Variants in CNTNAP4 observed in about 807,000 individuals in gnomAD.
The protein encoded by CNTNAP4 is contactin associated protein family member 4, also known as contactin-associated protein-like 4.
A neutral mutation model predicts 148.4 loss-of-function variants in CNTNAP4; 98 were observed. The observed-to-expected ratio is 0.66, with a 90% CI of 0.56 to 0.78. The LOEUF (loss-of-function observed/expected upper bound fraction) is 0.78, where lower values mean the gene tolerates loss of function less well. Ranked by LOEUF, CNTNAP4 falls within the 30% of genes least tolerant of loss-of-function variation. The pLI is 0.00. For missense variants in CNTNAP4, 1,935 were observed against 1,565.6 expected (o/e 1.24, Z -3.98); for synonymous variants, 730 against 565.1 (o/e 1.29, Z -4.14).
At chr16:76,431,536 G>A (rs1006701076) in intron 4 of CNTNAP4, among the ~76,000 whole-genome samples, 5 of 152,074 alleles carry the variant, frequency 3.3e-5, no homozygotes, top group African/African-American at 4.8e-5. Context: ...AAAATTAGCC[G>A]GGCGTGGCAG....
rs2144102511 is a variant in CNTNAP4 at position 76,521,312 on chromosome 16, T to C, written c.2536+2T>C. 1 of 1,595,566 alleles carries C rather than the reference T, an allele frequency of 6.3e-7. No individual in the cohort carries two copies. The highest frequency in any genetic ancestry group is 8.5e-7 in the Non-Finnish European group (1 of 1,173,654). On this transcript the variant is annotated splice_donor_variant, in intron 16 of 23. Coordinates refer to ENST00000611870, the MANE Select transcript of CNTNAP4 (RefSeq NM_033401.5). LOFTEE classifies it high-confidence loss of function. ...ATTTTATACGGATAGAGCTTCGCTGTAAGTCTCCTTTTCCAGAGAAGTGTA... is the reference window on the plus strand; with the variant it reads ...ATTTTATACGGATAGAGCTTCGCTGCAAGTCTCCTTTTCCAGAGAAGTGTA...
At position 76,326,787 on chromosome 16, in the gene CNTNAP4, C is replaced by T. The variant is rs370043952; in HGVS notation, c.196+10264C>T. ...ACACAGGAAGGGGAACATCACACAC[C>T]GGGGCCTGTTGTGGGGTGGGGGTGG... On this transcript the variant is annotated intron_variant, in intron 2 of 23. Transcript: ENST00000611870. 7.8e-3 allele frequency among the ~76,000 whole-genome samples: 794 copies of T among 102,254 alleles called. 4 individuals carry two copies. Among genetic ancestry groups the T allele is most frequent in the African/African-American group, 0.021 (542 of 26,280 alleles). 67.1% of individuals were successfully genotyped at this position (102,254 alleles called of 152,430 possible).
chr16:76,420,269 T>TA lies in CNTNAP4; in HGVS notation c.391-7182dup, dbSNP rs528985799. ...ATATATATTAGAATAATGTATATTC[T>TA]ATAGGAGATAAATATTAATTTCCCT... is the stretch of plus-strand genomic sequence containing the variant. On this transcript the variant is annotated intron_variant, in intron 3 of 23. Transcript: ENST00000611870. Among the ~76,000 whole-genome samples, 16 of 152,026 alleles carry TA rather than the reference T, an allele frequency of 1.1e-4. 1 individual carries two copies. In the South Asian group the frequency reaches 3.3e-3, roughly 32 times the overall value.
At chr16:76,534,968 C>G (rs957228826) in intron 17 of CNTNAP4, among the ~76,000 whole-genome samples, 3 of 152,168 alleles carry the variant, frequency 2.0e-5, no homozygotes, top group African/African-American at 4.8e-5. Flanking sequence ...GCATAAAACA[C>G]TGAACACTAG....
intron 13 of CNTNAP4, among the ~76,000 whole-genome samples, chr16:76,491,385 G>C (rs566318647): frequency 1.3e-5 from 2 of 152,194 alleles, no homozygotes; most frequent in Admixed American, 6.5e-5. Flanking sequence ...TGAAATGGAC[G>C]AATGGTTAAT....
chr16:76,393,362 T>G (rs376729678), intron 3 of CNTNAP4, among the ~76,000 whole-genome samples: 1 of 152,222 alleles, frequency 6.6e-6, no homozygotes, highest in East Asian at 1.9e-4. Flanking sequence ...TGCTGTCATT[T>G]ACTTTACACT....
intron 9 of CNTNAP4, 140 bp from the exon 10 acceptor site, chr16:76,467,212 T>C (rs2081203504): frequency 1.4e-6 from 1 of 692,210 alleles, no homozygotes; most frequent in South Asian, 2.0e-5. Context: ...ATCAAACTAA[T>C]AATGACTGCA....
chr16:76,484,832 G>T (rs939188745), intron 12 of CNTNAP4, among the ~76,000 whole-genome samples: 1 of 152,160 alleles, frequency 6.6e-6, no homozygotes, highest in Non-Finnish European at 1.5e-5. Flanking sequence ...AATGACTGCT[G>T]AAAATAAGAC....
At chr16:76,354,610 A>G (rs2012327576) in intron 2 of CNTNAP4, among the ~76,000 whole-genome samples, 1 of 152,160 alleles carries the variant, frequency 6.6e-6, no homozygotes, top group Admixed American at 6.5e-5. Context: ...ATCATGGCCA[A>G]TTGCAAAGAT....
intron 19 of CNTNAP4, among the ~76,000 whole-genome samples, chr16:76,538,569 A>AATGT (rs1437187189): frequency 6.6e-6 from 1 of 152,020 alleles, no homozygotes; most frequent in African/African-American, 2.4e-5. Context: ...TTACATATTC[A>AATGT]ATGTATAATT....
intron 1 of CNTNAP4, among the ~76,000 whole-genome samples, chr16:76,306,895 A>G (rs1489556414): frequency 6.6e-6 from 1 of 152,224 alleles, no homozygotes; most frequent in African/African-American, 2.4e-5. Flanking sequence ...CTTTATAGGC[A>G]GAGGTACATC....
At chr16:76,294,760 A>T (rs567474145) in intron 1 of CNTNAP4, among the ~76,000 whole-genome samples, 1 of 152,254 alleles carries the variant, frequency 6.6e-6, no homozygotes, top group African/African-American at 2.4e-5. Flanking sequence ...TCACTCAACA[A>T]ATAGTTAGTA....
intron 1 of CNTNAP4, among the ~76,000 whole-genome samples, chr16:76,279,323 G>A (rs1958598626): frequency 6.6e-6 from 1 of 152,082 alleles, no homozygotes; most frequent in South Asian, 2.1e-4. Context: ...CCTGTAGTTG[G>A]GTTTAAAATA....
At chr16:76,469,244 A>G (rs1329361374) in intron 10 of CNTNAP4, among the ~76,000 whole-genome samples, 1 of 152,212 alleles carries the variant, frequency 6.6e-6, no homozygotes, top group African/African-American at 2.4e-5. Flanking sequence ...ATAATGAAAG[A>G]TGATATGAAA....
chr16:76,401,336 G>A (rs1459376187), intron 3 of CNTNAP4, among the ~76,000 whole-genome samples: 2 of 152,034 alleles, frequency 1.3e-5, no homozygotes, highest in Non-Finnish European at 2.9e-5. Flanking sequence ...TTGGCTCTTG[G>A]CTTGGTTCTT....
intron 8 of CNTNAP4, among the ~76,000 whole-genome samples, chr16:76,454,609 A>G (rs2080651135): frequency 6.6e-6 from 1 of 152,150 alleles, no homozygotes; most frequent in East Asian, 1.9e-4. Flanking sequence ...CTTTCACAAT[A>G]TTATTTTTTG....
In CNTNAP4 at chr16:76,485,453, C is replaced by T. The variant is rs150054516; in HGVS notation, c.1883-4233C>T. On this transcript the variant is annotated intron_variant, in intron 12 of 23. Transcript: ENST00000611870. ...TTCTATAATGAAATTGTTTTATGTT[C>T]AAGAAGTTTCTTGTTATCAAATATT... 5.8e-3 allele frequency among the ~76,000 whole-genome samples: 889 copies of T among 152,280 alleles called. 6 individuals are homozygous for T. Among genetic ancestry groups the T allele is most frequent in the African/African-American group, 0.02 (835 of 41,566 alleles).
intron 3 of CNTNAP4, among the ~76,000 whole-genome samples, chr16:76,356,369 C>T (rs914390207): frequency 3.3e-5 from 5 of 152,100 alleles, no homozygotes; most frequent in African/African-American, 1.2e-4. Flanking sequence ...TCTCTAGTCT[C>T]TGTAAAGTGT....
At chr16:76,412,213 T>A (rs989976015) in intron 3 of CNTNAP4, among the ~76,000 whole-genome samples, 2 of 151,324 alleles carry the variant, frequency 1.3e-5, no homozygotes, top group African/African-American at 2.4e-5. Flanking sequence ...AAAATATAAT[T>A]TAAAAATATA....
Sources: gnomAD v4.1 joint callset for allele counts (sites outside exome capture counted in the v4.1 genomes callset) on GRCh38, gnomAD v4.1.1 for gene constraint, MANE v1.5 for transcripts, NCBI Gene and HGNC (gene_info 2026-07-23, HGNC 2026-07-21) for gene names.